Variants in CELSR1 observed in about 807,000 individuals in gnomAD.
The protein encoded by CELSR1 is cadherin EGF LAG seven-pass G-type receptor 1, also known as adhesion G protein-coupled receptor C1.
A neutral mutation model predicts 249.1 loss-of-function variants in CELSR1; 110 were observed. That is an observed-to-expected ratio of 0.44 (90% CI 0.38 to 0.52). The LOEUF is 0.52. Among genes scored for constraint, CELSR1 ranks in the 20% least tolerant of loss-of-function variants. The pLI, the probability that CELSR1 is intolerant of heterozygous loss-of-function variation, is 0.00. For synonymous variants in CELSR1, 2,113 were observed against 1,900.0 expected (o/e 1.11, Z -2.92); for missense variants, 4,109 against 4,296.4 (o/e 0.96, Z 1.22).
In CELSR1 at chr22:46,527,219, C is replaced by T. The variant is rs113553180; in HGVS notation, c.3544+6408G>A. On this transcript the variant is annotated intron_variant, in intron 1 of 34. Transcript: ENST00000674500. The surrounding 1 kb of genome is among the most constrained non-coding windows in gnomAD (Gnocchi z 5.5). ...AGGGTTCCCGGCACATGGAGCACATCGGCTGAGATGTGTCTGACCATCTAA... is the reference window on the plus strand; with the variant it reads ...AGGGTTCCCGGCACATGGAGCACATTGGCTGAGATGTGTCTGACCATCTAA... 8.3e-3 allele frequency among the ~76,000 whole-genome samples: 1,262 copies of T among 152,276 alleles called. 20 individuals are homozygous for T. The highest frequency in any genetic ancestry group is 0.029 in the African/African-American group (1,185 of 41,554).
At position 46,448,045 on chromosome 22, in the gene CELSR1, G is replaced by T. The variant is rs2050227578; in HGVS notation, c.4184-8634C>A. Reference sequence around the variant, plus strand: ...ATACCAGGCTTGGGGCTGGTGCACTGCCCTGCCTGCCCAGAGACCCTAGCA... The same window carrying T: ...ATACCAGGCTTGGGGCTGGTGCACTTCCCTGCCTGCCCAGAGACCCTAGCA... On this transcript the variant is annotated intron_variant, in intron 2 of 34. Coordinates refer to ENST00000674500, the MANE Select transcript of CELSR1 (RefSeq NM_001378328.1). This position sits in a 1 kb window ranked among gnomAD's most constrained non-coding sequence, Gnocchi z 5.7. Among the ~76,000 whole-genome samples, 2 of 152,330 alleles carry T rather than the reference G, an allele frequency of 1.3e-5. No individual in the cohort carries two copies. The highest frequency in any genetic ancestry group is 6.5e-5 in the Admixed American group (1 of 15,302).
Position 46,411,689 on chromosome 22 carries a change from T to A in CELSR1, c.4682A>T (p.Asp1561Val), listed in dbSNP as rs768339194. The change falls in exon 6 of 35, where the codon GAT becomes GTT. Residue 1561 changes from aspartate (D) to valine (V), a missense_variant. Transcript: ENST00000674500. This position sits in a 1 kb window ranked among gnomAD's most constrained non-coding sequence, Gnocchi z 4.2. ...GEKMAVVTVD[D>V]CDTTMAVRFG... ...GCGCACAGCCATGGTTGTGTCACAA[T>A]CATCCACTGTCACCACGGCCATCTT... The A allele has an allele frequency of 6.2e-7, 1 of 1,614,200 alleles. No individual in the cohort carries two copies. Among genetic ancestry groups the A allele is most frequent in the Non-Finnish European group, 8.5e-7 (1 of 1,180,036 alleles).
intron 1 of CELSR1, among the ~76,000 whole-genome samples, chr22:46,467,293 C>A (rs954716356): frequency 2.6e-5 from 4 of 152,142 alleles, no homozygotes; most frequent in African/African-American, 9.7e-5. Flanking sequence ...AGCAATCATC[C>A]TTCTGGAAGC....
At position 46,402,513 on chromosome 22, in the gene CELSR1, G is replaced by A. The variant is rs1488806784; in HGVS notation, c.5227-2611C>T. 6.6e-6 allele frequency among the ~76,000 whole-genome samples: 1 copy of A among 152,106 alleles called. No homozygotes were observed. Among genetic ancestry groups the A allele is most frequent in the African/African-American group, 2.4e-5 (1 of 41,416 alleles). ...ATTACAGGCATGAGCCACTGCACCT[G>A]GCCCCCATTCTAGTTTCAAATGCTC... is the stretch of plus-strand genomic sequence containing the variant. On this transcript the variant is annotated intron_variant, in intron 9 of 34. Transcript: ENST00000674500. This position sits in a 1 kb window ranked among gnomAD's most constrained non-coding sequence, Gnocchi z 5.0.
chr22:46,487,153 C>T (rs975561898), intron 1 of CELSR1, among the ~76,000 whole-genome samples: 3 of 152,034 alleles, frequency 2.0e-5, no homozygotes, highest in Admixed American at 6.6e-5. Flanking sequence ...GAAGAGCTGA[C>T]GCTAATATCA....
At position 46,527,469 on chromosome 22, in the gene CELSR1, G is replaced by C. The variant is rs528696833; in HGVS notation, c.3544+6158C>G. Among the ~76,000 whole-genome samples, 9 of 152,250 alleles carry C rather than the reference G, an allele frequency of 5.9e-5. No individual in the cohort carries two copies. The East Asian group carries it at 7.7e-4, about 13-fold the overall frequency. On this transcript the variant is annotated intron_variant, in intron 1 of 34. Transcript: ENST00000674500. The surrounding 1 kb of genome is among the most constrained non-coding windows in gnomAD (Gnocchi z 5.5). The stretch of plus-strand genomic sequence containing the variant: ...CCATCACACACTGCACACGTCCAGG[G>C]GGGTAGAGAAGAGTCCCAGCCCGCC...
intron 22 of CELSR1, 96 bp from the exon 23 acceptor site, chr22:46,378,813 G>A: frequency 6.8e-7 from 1 of 1,462,470 alleles, no homozygotes; most frequent in East Asian, 2.4e-5. Context: ...GGGCTCCCAG[G>A]CCATCCTGGC....
intron 18 of CELSR1, among the ~76,000 whole-genome samples, 167 bp downstream of exon 18, chr22:46,389,123 G>A (rs1000932225): frequency 4.6e-5 from 7 of 152,228 alleles, no homozygotes; most frequent in African/African-American, 1.7e-4. Flanking sequence ...CGTCAGTTTA[G>A]TCAGGCACTG....
rs751003154 is a variant in CELSR1 at position 46,490,776 on chromosome 22, G to A, written c.3545-26431C>T. Among the ~76,000 whole-genome samples the A allele has an allele frequency of 6.6e-5, 10 of 152,162 alleles. No homozygotes were observed. Among genetic ancestry groups the A allele is most frequent in the African/African-American group, 1.2e-4 (5 of 41,492 alleles). On this transcript the variant is annotated intron_variant, in intron 1 of 34. Coordinates refer to ENST00000674500, the MANE Select transcript of CELSR1 (RefSeq NM_001378328.1). This position sits in a 1 kb window ranked among gnomAD's most constrained non-coding sequence, Gnocchi z 5.2. ...TGCAGAGTGAGTTTCTGGTTTTGCCGCTCTTGTGAACAACCACCCACCATC... is the reference window on the plus strand; with the variant it reads ...TGCAGAGTGAGTTTCTGGTTTTGCCACTCTTGTGAACAACCACCCACCATC...
In CELSR1 at chr22:46,536,972, C is replaced by T. The variant is rs1182935058; in HGVS notation, c.199G>A (p.Val67Met). 1 of 1,138,104 alleles carries T rather than the reference C, an allele frequency of 8.8e-7. No individual in the cohort carries two copies. The allele number at this position is 1,138,104 out of a possible 1,614,324, so 70.5% of individuals were successfully genotyped here. A position where few individuals can be genotyped will look rare whatever the true frequency, so the allele number is the denominator to read the frequency against. Reference protein sequence around the residue: ...TPRAPRELLDVGRDGRLAGRR... With the variant: ...TPRAPRELLDMGRDGRLAGRR... ...CCTGCCAGCCGCCCATCGCGGCCCA[C>T]GTCCAGCAGCTCCCGCGGCGCCCGG... Residue 67 changes from valine to methionine, a missense_variant, in exon 1 of 35, where the codon GTG becomes ATG. Val to Met is a conservative substitution (Grantham distance 21, BLOSUM62 1). This residue lies in a region of CELSR1 where 673 missense variants were observed against 636.8 expected (regional missense o/e 1.06). Transcript: ENST00000674500.
In CELSR1 at chr22:46,471,512, C is replaced by T. The variant is rs1381555773; in HGVS notation, c.3545-7167G>A. On this transcript the variant is annotated intron_variant, in intron 1 of 34. Transcript: ENST00000674500. This position sits in a 1 kb window ranked among gnomAD's most constrained non-coding sequence, Gnocchi z 4.9. ...TCAAGTGATCCTCCTGCCTCAGCCTCCTGAGAAGCTAGGACTACAGGAGCA... is the reference window on the plus strand; with the variant it reads ...TCAAGTGATCCTCCTGCCTCAGCCTTCTGAGAAGCTAGGACTACAGGAGCA... 6.6e-6 allele frequency among the ~76,000 whole-genome samples: 1 copy of T among 152,130 alleles called. No individual in the cohort carries two copies. The highest frequency in any genetic ancestry group is 1.9e-4 in the East Asian group (1 of 5,172).
intron 1 of CELSR1, among the ~76,000 whole-genome samples, chr22:46,531,529 T>C (rs1324663758): frequency 1.3e-5 from 2 of 152,196 alleles, no homozygotes; most frequent in Non-Finnish European, 1.5e-5. Context: ...AAAGCACCCA[T>C]TTGACCCTGG....
intron 1 of CELSR1, among the ~76,000 whole-genome samples, chr22:46,525,816 G>T (rs901996662): frequency 5.3e-5 from 8 of 152,236 alleles, no homozygotes; most frequent in African/African-American, 1.9e-4. Flanking sequence ...GTTTCAAAAT[G>T]TGCAGGCACA....
intron 2 of CELSR1, among the ~76,000 whole-genome samples, chr22:46,459,291 T>C (rs2079993427): frequency 6.6e-6 from 1 of 152,102 alleles, no homozygotes; most frequent in South Asian, 2.1e-4. Flanking sequence ...AGGCCAGTCC[T>C]GATTTAATGA....
In CELSR1 at chr22:46,461,321, G is replaced by A. The variant is rs139049433; in HGVS notation, c.4183+2386C>T. Among the ~76,000 whole-genome samples the A allele has an allele frequency of 4.8e-3, 733 of 152,308 alleles. 5 individuals carry two copies. The highest frequency in any genetic ancestry group is 0.017 in the African/African-American group (692 of 41,570). On this transcript the variant is annotated intron_variant, in intron 2 of 34. Transcript: ENST00000674500. ...CTTACTGGTGATGACAGACTTGGCC[G>A]TTCCCCAGTCATTAGTTTTCTAAAA...
rs1255114778 is a variant in CELSR1, at chr22:46,517,496, G to A, written c.3544+16131C>T. Among the ~76,000 whole-genome samples, 1 of 151,990 alleles carries A rather than the reference G, an allele frequency of 6.6e-6. No individual in the cohort carries two copies. The highest frequency in any genetic ancestry group is 2.4e-5 in the African/African-American group (1 of 41,428). On this transcript the variant is annotated intron_variant, in intron 1 of 34. Coordinates refer to ENST00000674500, the MANE Select transcript of CELSR1 (RefSeq NM_001378328.1). The surrounding 1 kb of genome is among the most constrained non-coding windows in gnomAD (Gnocchi z 5.4). The stretch of plus-strand genomic sequence containing the variant: ...GGAGGGTAGAACCACAATGGCTGAT[G>A]TGCACTGTCCCGGCGCCCCAGGCCG...
intron 5 of CELSR1, among the ~76,000 whole-genome samples, chr22:46,422,206 A>G (rs1208294737): frequency 1.3e-5 from 2 of 151,990 alleles, no homozygotes; most frequent in Non-Finnish European, 2.9e-5. Context: ...CCCAGGTTCA[A>G]GAGATTCTCC....
chr22:46,411,664 G>A lies in CELSR1; in HGVS notation c.4707C>T (p.Arg1569=), dbSNP rs749141133. ...VDDCDTTMAV[R]FGKDIGNYSC... ...TGTAGTTCCCGATGTCCTTTCCAAA[G>A]CGCACAGCCATGGTTGTGTCACAAT... Residue 1569 remains arginine (R), a synonymous_variant, in exon 6 of 35, where the codon CGC becomes CGT. Transcript: ENST00000674500. This position sits in a 1 kb window ranked among gnomAD's most constrained non-coding sequence, Gnocchi z 4.2. 6.2e-7 allele frequency: 1 copy of A among 1,614,236 alleles called. No individual in the cohort carries two copies. The highest frequency in any genetic ancestry group is 1.1e-5 in the South Asian group (1 of 91,090).
intron 1 of CELSR1, among the ~76,000 whole-genome samples, chr22:46,516,459 G>A (rs1001574384): frequency 6.6e-6 from 1 of 152,084 alleles, no homozygotes; most frequent in African/African-American, 2.4e-5. Flanking sequence ...GCCTGTTGTG[G>A]GGTTGGGGGA....
Sources: gnomAD v4.1 joint callset for allele counts (sites outside exome capture counted in the v4.1 genomes callset) on GRCh38, gnomAD v4.1.1 for gene constraint, gnomAD v4.1.1 regional missense constraint, Gnocchi (gnomAD v3.1) non-coding constraint, MANE v1.5 for transcripts, NCBI Gene and HGNC (gene_info 2026-07-23, HGNC 2026-07-21) for gene names.